CD5L: variants seen among roughly 807,000 people sequenced by gnomAD.
CD5L encodes the protein CD5 molecule like.
Under a neutral mutation model 40.8 loss-of-function variants are expected in CD5L, and 39 were observed. The observed-to-expected ratio is 0.96, with a 90% CI of 0.74 to 1.25. CD5L has a LOEUF of 1.25. Among genes scored for constraint, CD5L ranks in the 50% most tolerant of loss-of-function variants. The pLI, the probability that CD5L is intolerant of heterozygous loss-of-function variation, is 0.00. For missense variants in CD5L, 433 were observed against 435.9 expected, an observed-to-expected ratio of 0.99 and a Z score of 0.06; for synonymous variants, 192 against 169.6, an observed-to-expected ratio of 1.13 and a Z score of -1.03.
downstream of CD5L, among the ~76,000 whole-genome samples, chr1:157,830,288 T>A (rs1310767082): frequency 2.0e-5 from 3 of 152,212 alleles, no homozygotes; most frequent in Non-Finnish European, 4.4e-5. Context: ...TTCCATGCAT[T>A]TCCTTAGGGA....
At chr1:157,834,810 C>A in intron 3 of CD5L, 62 bp from the exon 4 acceptor site, 2 of 1,347,074 alleles carry the variant, frequency 1.5e-6, no homozygotes, top group Non-Finnish European at 1.0e-6. Context: ...TCAGTAAAGG[C>A]GGCCCAATGG....
At chr1:157,835,476 C>G (rs1017035065) in intron 3 of CD5L, among the ~76,000 whole-genome samples, 5 of 152,224 alleles carry the variant, frequency 3.3e-5, no homozygotes, top group African/African-American at 1.2e-4. Flanking sequence ...AAAAAGCATA[C>G]ATTATACTTT....
chr1:157,838,385 G>T (rs529626226), intron 2 of CD5L, among the ~76,000 whole-genome samples: 7 of 152,148 alleles, frequency 4.6e-5, no homozygotes, highest in Admixed American at 1.3e-4. Flanking sequence ...GGGGGTCATT[G>T]TATCTGACAT....
At position 157,831,381 on chromosome 1, in the gene CD5L, C is replaced by A. The variant is rs1656042574; in HGVS notation, c.*583G>T. The A allele has an allele frequency of 1.0e-6, 1 of 984,860 alleles. No individual in the cohort carries two copies. The highest frequency in any genetic ancestry group is 1.2e-6 in the Non-Finnish European group (1 of 829,870). The allele number at this position is 984,860 out of a possible 1,614,324, so 61.0% of individuals were successfully genotyped here. ...CTCTGCTCCTGAAAGAATTGTCTAC[C>A]TACACTAAGAAATAACAGAATAGGG... is the stretch of plus-strand genomic sequence containing the variant. On this transcript the variant is annotated 3_prime_UTR_variant, in exon 6 of 6. Transcript: ENST00000368174.
At chr1:157,832,179 C>G (rs1166372874) in intron 5 of CD5L, among the ~76,000 whole-genome samples, 1 of 152,198 alleles carries the variant, frequency 6.6e-6, no homozygotes, top group Admixed American at 6.5e-5. Context: ...GAGTCACAAA[C>G]AGTACTGACA....
chr1:157,831,276 A>C lies in CD5L; in HGVS notation c.*688T>G, dbSNP rs1255355415. ...GGCAGGTTGTATAGGGATGGACAAC[A>C]AAGATTTTTATTGGGGCAATCAGAG... On this transcript the variant is annotated 3_prime_UTR_variant, in exon 6 of 6. Transcript: ENST00000368174. The C allele has an allele frequency of 1.0e-6, 1 of 985,268 alleles. No individual in the cohort carries two copies. Among genetic ancestry groups the C allele is most frequent in the Non-Finnish European group, 1.2e-6 (1 of 829,906 alleles). The allele number at this position is 985,268 out of a possible 1,614,324, so 61.0% of individuals were successfully genotyped here.
chr1:157,833,431 GAGCCCCAT>G lies in CD5L; in HGVS notation c.792_799del (p.Trp265CysfsTer3). On this transcript the variant is annotated frameshift_variant, in exon 5 of 6. Coordinates refer to ENST00000368174, the MANE Select transcript of CD5L (RefSeq NM_005894.3). LOFTEE classifies it high-confidence loss of function. ...TTCTCCCCAGTTGTCATCACAGACA[GAGCCCCAT>G]ACGCCCTTGTGCAGCACCTCCAGTC... 6.2e-7 allele frequency: 1 copy of G among 1,614,138 alleles called. No homozygotes were observed. The highest frequency in any genetic ancestry group is 8.5e-7 in the Non-Finnish European group (1 of 1,180,028).
At position 157,835,815 on chromosome 1, in the gene CD5L, G is replaced by A. The variant is rs1172345985; in HGVS notation, c.376+20C>T. 8.8e-6 allele frequency: 14 copies of A among 1,586,304 alleles called. No individual in the cohort carries two copies. Among genetic ancestry groups the A allele is most frequent in the Admixed American group, 1.7e-5 (1 of 59,052 alleles). ...GGGTATGGCAGCTGGCAAGTGGTCC[G>A]GGACCCCTGCCATACTCACTCTCAC... On this transcript the variant is annotated intron_variant, in intron 3 of 5. Transcript: ENST00000368174.
At chr1:157,841,642 A>C (rs371637908) in intron 1 of CD5L, 32 bp downstream of exon 1, 2 of 1,605,802 alleles carry the variant, frequency 1.2e-6, no homozygotes, top group Non-Finnish European at 1.7e-6. Context: ...GAAAACTCTG[A>C]AGCCTAAACC....
chr1:157,837,852 T>G (rs988551122), intron 2 of CD5L, among the ~76,000 whole-genome samples: 4 of 149,450 alleles, frequency 2.7e-5, no homozygotes, highest in African/African-American at 9.9e-5. Context: ...TTCGGCTCAC[T>G]GCAAGCTTCG....
downstream of CD5L, among the ~76,000 whole-genome samples, chr1:157,827,337 A>G (rs1655928085): frequency 6.6e-6 from 1 of 151,686 alleles, no homozygotes. Flanking sequence ...AGTAGTTGAT[A>G]CACACAATTA....
intron 1 of CD5L, among the ~76,000 whole-genome samples, chr1:157,840,586 C>G (rs775223093): frequency 7.2e-5 from 11 of 152,166 alleles, no homozygotes; most frequent in Non-Finnish European, 1.6e-4. Context: ...CTGCAACTAT[C>G]CAAAACTCAA....
At position 157,841,739 on chromosome 1, in the gene CD5L, G is replaced by A. The variant is rs775872188; in HGVS notation, c.-38C>T. The A allele has an allele frequency of 3.3e-5, 53 of 1,596,500 alleles. No homozygotes were observed. Among genetic ancestry groups the A allele is most frequent in the Non-Finnish European group, 4.2e-5 (49 of 1,165,870 alleles). On this transcript the variant is annotated 5_prime_UTR_variant, in exon 1 of 6. Coordinates refer to ENST00000368174, the MANE Select transcript of CD5L (RefSeq NM_005894.3). ...TGAAGGTGATGAGCTGAAATTTAAG[G>A]CTAGAAGGAGGTCCCCAAGCAGCAA...
intron 2 of CD5L, among the ~76,000 whole-genome samples, chr1:157,836,373 A>G (rs1656215657): frequency 6.6e-6 from 1 of 151,978 alleles, no homozygotes; most frequent in Admixed American, 6.6e-5. Flanking sequence ...CTGTCAAGAA[A>G]CTCTACTTCA....
chr1:157,832,056 G>T, intron 5 of CD5L, 88 bp from the exon 6 acceptor site: 1 of 1,048,544 alleles, frequency 9.5e-7, no homozygotes, highest in South Asian at 1.7e-5. Flanking sequence ...TAAGGGAGAA[G>T]ACTGGGGCTC....
Position 157,834,839 on chromosome 1 carries a change from G to A in CD5L, c.377-91C>T, listed in dbSNP as rs150874750. On this transcript the variant is annotated intron_variant, in intron 3 of 5. Coordinates refer to ENST00000368174, the MANE Select transcript of CD5L (RefSeq NM_005894.3). ...CCAATGGACACATCTCACAGTTCTT[G>A]GTGTTCAGTACAAGGCATGCTAAAG... is the stretch of plus-strand genomic sequence containing the variant. The A allele has an allele frequency of 3.3e-5, 32 of 977,208 alleles. No homozygotes were observed. The African/African-American group carries it at 3.5e-4, about 11-fold the overall frequency. The allele number at this position is 977,208 out of a possible 1,614,324, so 60.5% of individuals were successfully genotyped here. A position where few individuals can be genotyped will look rare whatever the true frequency, so the allele number is the denominator to read the frequency against.
At position 157,832,305 on chromosome 1, in the gene CD5L, A is replaced by G. The variant is rs145895085; in HGVS notation, c.1040-337T>C. On this transcript the variant is annotated intron_variant, in intron 5 of 5. Transcript: ENST00000368174. ...GGTTCTGAGGAGTTAAGTGACTAAC[A>G]TTACACAGCTTCAAAGTAGCAGCAG... 1.0e-3 allele frequency among the ~76,000 whole-genome samples: 153 copies of G among 152,352 alleles called. 1 individual carries two copies. The highest frequency in any genetic ancestry group is 3.4e-3 in the African/African-American group (142 of 41,582).
intron 3 of CD5L, 145 bp from the exon 4 acceptor site, chr1:157,834,893 T>G: frequency 1.8e-6 from 1 of 565,362 alleles, no homozygotes; most frequent in Non-Finnish European, 3.1e-6. Context: ...AGATGCCTGC[T>G]GAAAGAATGA....
intron 1 of CD5L, 46 bp downstream of exon 1, chr1:157,841,628 G>A (rs748341076): frequency 1.3e-6 from 2 of 1,575,898 alleles, no homozygotes; most frequent in South Asian, 1.1e-5. Flanking sequence ...TAATCAAAGT[G>A]CCAGAAAACT....
Sources: allele counts gnomAD v4.1 joint callset (sites outside exome capture counted in the v4.1 genomes callset), GRCh38; gene constraint gnomAD v4.1.1; transcripts MANE v1.5; gene names NCBI Gene and HGNC (gene_info 2026-07-23, HGNC 2026-07-21).